Variants in NUDCD3 observed in about 807,000 individuals in gnomAD.
NUDCD3 encodes the protein NudC domain containing 3.
A neutral mutation model predicts 39.7 loss-of-function variants in NUDCD3; 13 were observed. The observed-to-expected ratio is 0.33, with a 90% CI of 0.21 to 0.52. The LOEUF is 0.52. Ranked by LOEUF, NUDCD3 falls within the 20% of genes least tolerant of loss-of-function variation. The probability of loss-of-function intolerance (pLI) is 0.96; values close to 1 mark genes in which losing one functional copy is unlikely to be tolerated. For missense variants in NUDCD3, 453 were observed against 458.1 expected (o/e 0.99, Z 0.10); for synonymous variants, 175 against 172.4 (o/e 1.02, Z -0.12).
chr7:44,430,962 T>C (rs1799352863), intron 2 of NUDCD3, among the ~76,000 whole-genome samples: 2 of 152,234 alleles, frequency 1.3e-5, no homozygotes, highest in South Asian at 4.1e-4. Context: ...TCAGTAGCCC[T>C]GGCCTGGCTC....
chr7:44,411,576 C>T (rs1798925947), intron 3 of NUDCD3, among the ~76,000 whole-genome samples: 1 of 152,146 alleles, frequency 6.6e-6, no homozygotes, highest in Admixed American at 6.5e-5. Context: ...ACAATGAAAT[C>T]CTACTTCATA....
intron 4 of NUDCD3, among the ~76,000 whole-genome samples, chr7:44,396,080 T>A (rs1334911639): frequency 1.4e-5 from 2 of 146,688 alleles, no homozygotes; most frequent in Non-Finnish European, 3.0e-5. Context: ...ACACTTGTTA[T>A]CTTCTGTTGT....
intron 2 of NUDCD3, among the ~76,000 whole-genome samples, chr7:44,466,693 C>T (rs182779545): frequency 1.5e-3 from 225 of 152,362 alleles, no homozygotes; most frequent in African/African-American, 4.9e-3. Flanking sequence ...ACTAGGGACA[C>T]TTGGATAATG....
chr7:44,446,164 G>A (rs1349752860), intron 2 of NUDCD3, among the ~76,000 whole-genome samples: 1 of 152,172 alleles, frequency 6.6e-6, no homozygotes, highest in Non-Finnish European at 1.5e-5. Flanking sequence ...TGACCTCTGG[G>A]TGTCACAGTT....
chr7:44,396,318 T>C (rs964335505), intron 4 of NUDCD3, among the ~76,000 whole-genome samples: 3 of 152,238 alleles, frequency 2.0e-5, no homozygotes, highest in Non-Finnish European at 4.4e-5. Context: ...ATAAAGGTTC[T>C]TGTAAAGGCT....
chr7:44,456,354 T>C (rs1283393583), intron 2 of NUDCD3, among the ~76,000 whole-genome samples: 1 of 152,176 alleles, frequency 6.6e-6, no homozygotes, highest in Non-Finnish European at 1.5e-5. Context: ...AATTCTGATA[T>C]GAAAGACATG....
chr7:44,468,387 C>A, intron 2 of NUDCD3: 2 of 1,092,602 alleles, frequency 1.8e-6, no homozygotes, highest in Non-Finnish European at 2.6e-6. Flanking sequence ...AAAACTAAGG[C>A]CCAGGGAGAC....
intron 3 of NUDCD3, among the ~76,000 whole-genome samples, chr7:44,415,161 C>G (rs1258659229): frequency 3.3e-5 from 5 of 152,232 alleles, no homozygotes; most frequent in Admixed American, 1.3e-4. Flanking sequence ...GTTTTCTCAT[C>G]TGCAAAATGA....
chr7:44,401,328 G>C (rs146564698), intron 4 of NUDCD3, among the ~76,000 whole-genome samples: 210 of 152,282 alleles, frequency 1.4e-3, no homozygotes, highest in African/African-American at 4.3e-3. Context: ...GAAACAATGT[G>C]GGCTTAAAAG....
chr7:44,408,303 C>T (rs1304045275), intron 3 of NUDCD3, among the ~76,000 whole-genome samples: 1 of 152,108 alleles, frequency 6.6e-6, no homozygotes, highest in African/African-American at 2.4e-5. Flanking sequence ...GAATATCCAA[C>T]TCAAGTCCAA....
chr7:44,465,355 A>C (rs1800097967), intron 2 of NUDCD3, among the ~76,000 whole-genome samples: 1 of 152,230 alleles, frequency 6.6e-6, no homozygotes, highest in South Asian at 2.1e-4. Flanking sequence ...GCCTGTCCAC[A>C]TGAAGTGGGA....
chr7:44,476,391 G>A (rs977316391), intron 2 of NUDCD3, among the ~76,000 whole-genome samples: 2 of 152,178 alleles, frequency 1.3e-5, no homozygotes, highest in African/African-American at 4.8e-5. Flanking sequence ...GGGGCCTTTG[G>A]GAGACGATTA....
intron 2 of NUDCD3, among the ~76,000 whole-genome samples, chr7:44,460,615 T>C (rs1465529625): frequency 6.6e-6 from 1 of 152,146 alleles, no homozygotes; most frequent in Non-Finnish European, 1.5e-5. Flanking sequence ...CATCTGGGGT[T>C]TTAAGCCACC....
chr7:44,406,221 G>A (rs1170518051), intron 3 of NUDCD3, among the ~76,000 whole-genome samples: 1 of 152,220 alleles, frequency 6.6e-6, no homozygotes, highest in Non-Finnish European at 1.5e-5. Context: ...GGCTCTGCCA[G>A]GTTCACATGC....
intron 3 of NUDCD3, among the ~76,000 whole-genome samples, chr7:44,421,539 A>G (rs574714136): frequency 1.3e-4 from 20 of 151,750 alleles, no homozygotes; most frequent in Non-Finnish European, 8.8e-5. Flanking sequence ...GATAAAACAG[A>G]CTTTAAACCA....
At chr7:44,438,553 C>T (rs1419474668) in intron 2 of NUDCD3, among the ~76,000 whole-genome samples, 1 of 152,044 alleles carries the variant, frequency 6.6e-6, no homozygotes, top group Non-Finnish European at 1.5e-5. Context: ...TGTCCTCAAC[C>T]AGCCCTAATC....
At chr7:44,386,241 T>C (rs1426169248) in intron 5 of NUDCD3, 120 bp from the exon 6 acceptor site, 1 of 1,087,732 alleles carries the variant, frequency 9.2e-7, no homozygotes, top group Non-Finnish European at 1.3e-6. Flanking sequence ...GGCACTTGCC[T>C]GGCAAGACCG....
chr7:44,401,340 T>G (rs984493751), intron 4 of NUDCD3, among the ~76,000 whole-genome samples: 1 of 152,132 alleles, frequency 6.6e-6, no homozygotes, highest in Non-Finnish European at 1.5e-5. Flanking sequence ...GCTTAAAAGG[T>G]CACACATAAA....
At chr7:44,467,563 G>T (rs939061270) in intron 2 of NUDCD3, among the ~76,000 whole-genome samples, 4 of 152,072 alleles carry the variant, frequency 2.6e-5, no homozygotes, top group African/African-American at 9.7e-5. Context: ...CAAGGGGCAG[G>T]TCAGAGATCA....
Sources: gnomAD v4.1 joint callset for allele counts (sites outside exome capture counted in the v4.1 genomes callset) on GRCh38, gnomAD v4.1.1 for gene constraint, MANE v1.5 for transcripts, NCBI Gene and HGNC (gene_info 2026-07-23, HGNC 2026-07-21) for gene names.